MBD2: variants seen among roughly 807,000 people sequenced by gnomAD.
The protein encoded by MBD2 is methyl-CpG-binding domain protein 2.
A neutral mutation model predicts 39.3 loss-of-function variants in MBD2; 9 were observed. The ratio of observed to expected loss-of-function variants is 0.23; its 90% CI spans 0.14 to 0.40. The LOEUF is 0.40. Among genes scored for constraint, MBD2 ranks in the 10% least tolerant of loss-of-function variants. The pLI, the probability that MBD2 is intolerant of heterozygous loss-of-function variation, is 1.00. For missense variants in MBD2, 458 were observed against 532.6 expected (o/e 0.86, Z 1.38); for synonymous variants, 233 against 211.1 (o/e 1.10, Z -0.90).
intron 1 of MBD2, 38 bp from the exon 2 acceptor site, chr18:54,205,195 A>G (rs752995576): frequency 3.2e-5 from 50 of 1,583,760 alleles, no homozygotes; most frequent in Non-Finnish European, 4.2e-5. Context: ...AAAGGCAACA[A>G]TATTCTCCAC....
intron 1 of MBD2, among the ~76,000 whole-genome samples, chr18:54,212,268 A>G (rs966427658): frequency 6.6e-6 from 1 of 152,068 alleles, no homozygotes; most frequent in Non-Finnish European, 1.5e-5. Context: ...AATCCACCTT[A>G]TATACTACCT....
chr18:54,212,476 G>A (rs1233587864), intron 1 of MBD2, among the ~76,000 whole-genome samples: 1 of 152,162 alleles, frequency 6.6e-6, no homozygotes, highest in African/African-American at 2.4e-5. Context: ...ACTTATTTAT[G>A]AATGAACTTA....
intron 1 of MBD2, among the ~76,000 whole-genome samples, chr18:54,219,926 G>A (rs1005297816): frequency 2.0e-5 from 3 of 152,110 alleles, no homozygotes; most frequent in African/African-American, 7.2e-5. Flanking sequence ...TCAGCCTCCC[G>A]AGTAGCTGGG....
chr18:54,201,485 G>A (rs377231092), intron 2 of MBD2, among the ~76,000 whole-genome samples: 1 of 152,126 alleles, frequency 6.6e-6, no homozygotes, highest in Non-Finnish European at 1.5e-5. Context: ...TGCAAAAATA[G>A]TAGTAGAGAT....
At chr18:54,212,866 CA>C (rs35697526) in intron 1 of MBD2, among the ~76,000 whole-genome samples, 127,713 of 151,038 alleles carry the variant, frequency 0.85, 54,459 homozygotes, top group East Asian at 1. Context: ...TCAGTCTCTA[CA>C]AAAAAAACAC....
At position 54,224,283 on chromosome 18, in the gene MBD2, C is replaced by T; in HGVS notation, c.277G>A (p.Gly93Ser). ...CCGCCACTCGGGGGACGGCCGCGGC[C>T]CCGGCCCCGGCCCCGTCCCCGTCCC... ...GRGRGRGRGR[G>S]RGRPPSGGSG... Residue 93 changes from glycine to serine, a missense_variant, in exon 1 of 7, where the codon GGC (glycine) becomes AGC (serine). By Grantham distance (56) the Gly-to-Ser change is moderately conservative. This residue lies in a region of MBD2 where 269 missense variants were observed against 236.0 expected (regional missense o/e 1.14). Transcript: ENST00000256429. 1 of 943,886 alleles carries T rather than the reference C, an allele frequency of 1.1e-6. No individual in the cohort carries two copies. Among genetic ancestry groups the T allele is most frequent in the Non-Finnish European group, 1.3e-6 (1 of 794,326 alleles). 58.5% of individuals were successfully genotyped at this position (943,886 alleles called of 1,614,324 possible).
Position 54,224,238 on chromosome 18 carries a change from C to A in MBD2, c.322G>T (p.Gly108Cys), listed in dbSNP as rs1599118599. The change falls in exon 1 of 7, where the codon GGC (glycine) becomes TGC (cysteine). Residue 108 changes from glycine (G) to cysteine (C), a missense_variant. Physicochemically the swap from Gly to Cys is radical, Grantham distance 159 (BLOSUM62 -3). Around this residue, in one of 2 missense-constraint regions of MBD2, gnomAD observed 269 missense variants for 236.0 expected, o/e 1.14. Transcript: ENST00000256429. ...PSGGSGLGGD[G>C]GGCGGGGSGG... ...CTGCCGCCGCCGCCGCAGCCGCCGC[C>A]GTCGCCGCCAAGGCCGCTGCCGCCA... The A allele has an allele frequency of 3.0e-6, 3 of 1,004,400 alleles. No homozygotes were observed. The highest frequency in any genetic ancestry group is 2.4e-6 in the Non-Finnish European group (2 of 843,596). The allele number at this position is 1,004,400 out of a possible 1,614,324, so 62.2% of individuals were successfully genotyped here.
At chr18:54,164,906 C>T (rs762333677) in intron 4 of MBD2, among the ~76,000 whole-genome samples, 21 of 152,170 alleles carry the variant, frequency 1.4e-4, no homozygotes, top group Non-Finnish European at 2.6e-4. Context: ...AACAAAATAG[C>T]TGAGCATTTT....
chr18:54,178,583 T>A (rs2086228318), intron 3 of MBD2, among the ~76,000 whole-genome samples: 1 of 151,920 alleles, frequency 6.6e-6, no homozygotes, highest in Non-Finnish European at 1.5e-5. Flanking sequence ...ATCCCAATAG[T>A]ACTATAAGAT....
At chr18:54,220,444 G>A (rs889636911) in intron 1 of MBD2, among the ~76,000 whole-genome samples, 2 of 152,122 alleles carry the variant, frequency 1.3e-5, no homozygotes, top group African/African-American at 2.4e-5. Flanking sequence ...TTTCAAAACA[G>A]CACCCAAAAA....
At chr18:54,191,306 G>A (rs1034349781) in intron 2 of MBD2, among the ~76,000 whole-genome samples, 2 of 152,134 alleles carry the variant, frequency 1.3e-5, no homozygotes, top group Admixed American at 1.3e-4. Context: ...CTAATCCTGG[G>A]ACCACACCTG....
At chr18:54,184,102 C>T (rs573910711) in intron 3 of MBD2, among the ~76,000 whole-genome samples, 1 of 151,944 alleles carries the variant, frequency 6.6e-6, no homozygotes, top group African/African-American at 2.4e-5. Context: ...AAATAAAATG[C>T]CCTTTTAAAC....
intron 5 of MBD2, among the ~76,000 whole-genome samples, chr18:54,161,832 T>C (rs1369961011): frequency 2.0e-5 from 3 of 151,968 alleles, no homozygotes; most frequent in Non-Finnish European, 4.4e-5. Flanking sequence ...TATGATGGGA[T>C]ATCTCTCCAT....
intron 2 of MBD2, among the ~76,000 whole-genome samples, chr18:54,197,332 C>T (rs2086374508): frequency 6.6e-6 from 1 of 152,230 alleles, no homozygotes. Flanking sequence ...GCTGGCACAG[C>T]CCTATTACCA....
chr18:54,182,158 T>G (rs2086256049), intron 3 of MBD2, among the ~76,000 whole-genome samples: 1 of 152,196 alleles, frequency 6.6e-6, no homozygotes, highest in South Asian at 2.1e-4. Flanking sequence ...AATAAATAAT[T>G]TTTGAATGAA....
chr18:54,224,392 G>T lies in MBD2; in HGVS notation c.168C>A (p.Gly56=). 8.1e-7 allele frequency: 1 copy of T among 1,238,054 alleles called. No individual in the cohort carries two copies. The highest frequency in any genetic ancestry group is 1.0e-6 in the Non-Finnish European group (1 of 990,340). The allele number at this position is 1,238,054 out of a possible 1,614,324, so 76.7% of individuals were successfully genotyped here. The change falls in exon 1 of 7, where the codon GGC becomes GGA. Residue 56 remains glycine (G), a synonymous_variant. Transcript: ENST00000256429. The part of the protein sequence containing the change: ...VSGVRREGAR[G]GGRGRGRWKQ... ...TCCACCGCCCCCGGCCACGGCCGCC[G>T]CCCCGAGCGCCTTCCCTGCGCACGC...
At chr18:54,205,398 C>T (rs2086440899) in intron 1 of MBD2, among the ~76,000 whole-genome samples, 1 of 151,698 alleles carries the variant, frequency 6.6e-6, no homozygotes, top group Non-Finnish European at 1.5e-5. Flanking sequence ...ATGGTGAAAC[C>T]CCGTCTCTGC....
At chr18:54,218,040 A>G (rs2086575945) in intron 1 of MBD2, among the ~76,000 whole-genome samples, 1 of 152,238 alleles carries the variant, frequency 6.6e-6, no homozygotes, top group Admixed American at 6.5e-5. Context: ...GAAAAGACTT[A>G]AAGCAAGCCA....
intron 1 of MBD2, among the ~76,000 whole-genome samples, chr18:54,216,435 G>A (rs1055806317): frequency 3.3e-5 from 5 of 152,158 alleles, no homozygotes; most frequent in South Asian, 2.1e-4. Flanking sequence ...TATGAAAAAC[G>A]TTCCATATTA....
Sources: gnomAD v4.1 joint callset for allele counts (sites outside exome capture counted in the v4.1 genomes callset) on GRCh38, gnomAD v4.1.1 for gene constraint, gnomAD v4.1.1 regional missense constraint, MANE v1.5 for transcripts, NCBI Gene and HGNC (gene_info 2026-07-23, HGNC 2026-07-21) for gene names.